The following VPS28 variants were observed in gnomAD, a reference collection of about 807,000 sequenced individuals.
VPS28 encodes VPS28 subunit of ESCRT-I.
VPS28 carries 29 observed loss-of-function variants against 33.7 expected under a neutral mutation model. That is an observed-to-expected ratio of 0.86 (90% CI 0.64 to 1.17). The LOEUF (loss-of-function observed/expected upper bound fraction) is 1.17. Ranked by LOEUF, VPS28 falls within the 50% of genes most tolerant of loss-of-function variation. The probability of loss-of-function intolerance (pLI) is 0.00; values close to 1 mark genes in which losing one functional copy is unlikely to be tolerated. For missense variants in VPS28, 247 were observed against 312.2 expected (o/e 0.79, Z 1.57); for synonymous variants, 164 against 116.7 (o/e 1.40, Z -2.61).
At chr8:144,424,507 C>T (rs1171438928) in intron 7 of VPS28, 1 of 784,546 alleles carries the variant, frequency 1.3e-6, no homozygotes, top group East Asian at 2.7e-5. Flanking sequence ...CGCCAGAACG[C>T]ACCCTGTGCT....
chr8:144,426,104 G>A (rs374533217), intron 3 of VPS28, 41 bp from the exon 4 acceptor site: 1 of 1,563,822 alleles, frequency 6.4e-7, no homozygotes, highest in African/African-American at 1.4e-5. Flanking sequence ...TGCCAACAGG[G>A]GCTGCAGGAC....
intron 1 of VPS28, among the ~76,000 whole-genome samples, chr8:144,427,845 G>A (rs1554877264): frequency 1.3e-5 from 2 of 152,230 alleles, no homozygotes; most frequent in South Asian, 2.1e-4. Flanking sequence ...TAAAATAAAG[G>A]AGTTACGAAC....
rs202082054 is a variant in VPS28, at chr8:144,426,961, G to T, written c.-16C>A. 4.3e-6 allele frequency: 7 copies of T among 1,612,106 alleles called. No homozygotes were observed. The highest frequency in any genetic ancestry group is 1.7e-5 in the Admixed American group (1 of 59,952). On this transcript the variant is annotated 5_prime_UTR_variant, in exon 2 of 10. Transcript: ENST00000292510. ...CATGAAACATCCTCTAGGCTCTGGG[G>T]GGGGCACAGCACTGAGACCTGGGGA... is the stretch of plus-strand genomic sequence containing the variant.
In VPS28 at chr8:144,424,258, G is replaced by A. The variant is rs1275520679; in HGVS notation, c.413C>T (p.Thr138Met). The stretch of plus-strand genomic sequence containing the variant: ...CTCCAGACGCAGCTTGTCCATGACC[G>A]TGATGAAGAGCTGGGGGCAGGTGTG... ...CIADVVSLFITVMDKLRLEIR... is the reference protein window; with the variant it reads ...CIADVVSLFIMVMDKLRLEIR... The change falls in exon 8 of 10, where the codon ACG becomes ATG. Residue 138 changes from threonine (T) to methionine (M), a missense_variant. Transcript: ENST00000292510. The A allele has an allele frequency of 1.9e-6, 3 of 1,604,544 alleles. No individual in the cohort carries two copies. The highest frequency in any genetic ancestry group is 1.8e-4 in the Middle Eastern group (1 of 5,606).
intron 2 of VPS28, 79 bp from the exon 3 acceptor site, chr8:144,426,287 A>G (rs1464291692): frequency 1.4e-6 from 2 of 1,471,114 alleles, no homozygotes; most frequent in Non-Finnish European, 1.8e-6. Context: ...TCTCCATTTC[A>G]GTTCCTCCCT....
chr8:144,427,135 A>C (rs1346853861), intron 1 of VPS28, 156 bp from the exon 2 acceptor site: 1 of 484,760 alleles, frequency 2.1e-6, no homozygotes, highest in African/African-American at 2.0e-5. Flanking sequence ...CCCTGTCTCT[A>C]CTAAAATTAC....
In VPS28 at chr8:144,425,692, G is replaced by A. The variant is rs75776765; in HGVS notation, c.185C>T (p.Ser62Phe). 6.2e-7 allele frequency: 1 copy of A among 1,613,858 alleles called. No homozygotes were observed. Among genetic ancestry groups the A allele is most frequent in the African/African-American group, 1.3e-5 (1 of 75,054 alleles). ...GGACGTGGGCTCTTACTCGCTGGGG[G>A]AGACACAGTCCTTGATGTAGGCCTT... is the stretch of plus-strand genomic sequence containing the variant. ...LEKAYIKDCV[S>F]PSEYTAACSR... The change falls in exon 5 of 10, where the codon TCC becomes TTC. Residue 62 changes from serine (S) to phenylalanine (F), a missense_variant. Physicochemically the swap from Ser to Phe is radical, Grantham distance 155. Around this residue, in one of 3 missense-constraint regions of VPS28, gnomAD observed 149 missense variants for 172.8 expected, o/e 0.86. Coordinates refer to ENST00000292510, the MANE Select transcript of VPS28 (RefSeq NM_016208.4).
At position 144,424,109 on chromosome 8, in the gene VPS28, C is replaced by A; in HGVS notation, c.480G>T (p.Leu160=). 1 of 1,550,304 alleles carries A rather than the reference C, an allele frequency of 6.5e-7. No individual in the cohort carries two copies. Residue 160 remains leucine, a synonymous_variant, in exon 9 of 10, where the codon CTG becomes CTT. Coordinates refer to ENST00000292510, the MANE Select transcript of VPS28 (RefSeq NM_016208.4). ...MDEIQPDLRE[L]METMHRMSHL... is the part of the protein sequence containing the mutation. ...GGCTCATGCGGTGCATGGTCTCCATCAGCTCTCGCAGGTCGGGCTGGATCT... is the reference window on the plus strand; with the variant it reads ...GGCTCATGCGGTGCATGGTCTCCATAAGCTCTCGCAGGTCGGGCTGGATCT...
At position 144,425,686 on chromosome 8, in the gene VPS28, C is replaced by T; in HGVS notation, c.191G>A (p.Ser64Asn). The T allele has an allele frequency of 1.2e-6, 2 of 1,613,784 alleles. No homozygotes were observed. The highest frequency in any genetic ancestry group is 1.7e-6 in the Non-Finnish European group (2 of 1,179,846). Reference sequence around the variant, plus strand: ...CTCCCAGGACGTGGGCTCTTACTCGCTGGGGGAGACACAGTCCTTGATGTA... The same window carrying T: ...CTCCCAGGACGTGGGCTCTTACTCGTTGGGGGAGACACAGTCCTTGATGTA... Reference protein sequence around the residue: ...KAYIKDCVSPSEYTAACSRLL... With the variant: ...KAYIKDCVSPNEYTAACSRLL... The change falls in exon 5 of 10, where the codon AGC (serine) becomes AAC (asparagine). Residue 64 changes from serine to asparagine, a missense_variant. Transcript: ENST00000292510.
At chr8:144,424,389 C>T in intron 7 of VPS28, 121 bp from the exon 8 acceptor site, 1 of 1,336,448 alleles carries the variant, frequency 7.5e-7, no homozygotes, top group Non-Finnish European at 1.0e-6. Flanking sequence ...GTACTCTGTT[C>T]CCAAACCCTG....
At position 144,423,705 on chromosome 8, in the gene VPS28, C is replaced by G. The variant is rs555342032; in HGVS notation, c.*100G>C. 2.6e-5 allele frequency: 38 copies of G among 1,457,060 alleles called. No individual in the cohort carries two copies. The South Asian group carries it at 4.2e-4, about 16-fold the overall frequency. 90.3% of individuals were successfully genotyped at this position (1,457,060 alleles called of 1,614,324 possible). ...CAGACACCAGACAGGCAGCTGCAGA[C>G]AGTGAGTTGTGTGGATGACCACGGC... On this transcript the variant is annotated 3_prime_UTR_variant, in exon 10 of 10. Transcript: ENST00000292510.
At chr8:144,424,400 C>G in intron 7 of VPS28, 132 bp from the exon 8 acceptor site, 1 of 1,233,958 alleles carries the variant, frequency 8.1e-7, no homozygotes, top group Non-Finnish European at 1.1e-6. Context: ...CCAAACCCTG[C>G]AGGCCTCCTG....
chr8:144,427,224 AGGAG>A (rs1822828362), intron 1 of VPS28: 1 of 298,432 alleles, frequency 3.4e-6, no homozygotes, highest in African/African-American at 2.2e-5. Context: ...GCTTGAACCC[AGGAG>A]GTGAAGGTTT....
In VPS28 at chr8:144,425,052, CT is replaced by C; in HGVS notation, c.195-2del. ...GAGCCGGGAGCAGGCTGCAGTGTAC[CT>C]AGGGAGAGGTCAGCTGCTGCCCAAG... is the stretch of plus-strand genomic sequence containing the variant. On this transcript the variant is annotated splice_acceptor_variant, in intron 5 of 9. Transcript: ENST00000292510. LOFTEE classifies it high-confidence loss of function. 1 of 1,551,424 alleles carries C rather than the reference CT, an allele frequency of 6.4e-7. No individual in the cohort carries two copies.
intron 6 of VPS28, 50 bp from the exon 7 acceptor site, chr8:144,424,869 G>C: frequency 6.2e-7 from 1 of 1,612,558 alleles, no homozygotes; most frequent in Non-Finnish European, 8.5e-7. Context: ...CAAGCCCCAG[G>C]TGGCCAGAGC....
At position 144,424,772 on chromosome 8, in the gene VPS28, G is replaced by A. The variant is rs150136912; in HGVS notation, c.348C>T (p.Ile116=). 2.7e-4 allele frequency: 432 copies of A among 1,613,772 alleles called. 2 individuals are homozygous for A. In the African/African-American group the frequency reaches 5.2e-3, roughly 19 times the overall value. ...GGTTGCCCTTGTCGTCCTTGATGGT[G>A]ATGGGCCGGTCCTCCTTGATCCGCT... ...AMERIKEDRP[I]TIKDDKGNLN... Residue 116 remains isoleucine, a synonymous_variant, in exon 7 of 10, where the codon ATC becomes ATT. Coordinates refer to ENST00000292510, the MANE Select transcript of VPS28 (RefSeq NM_016208.4).
In VPS28 at chr8:144,426,080, G is replaced by C; in HGVS notation, c.67-17C>G. ...CTTCACTTCCTGCCGGAGAGAGCGG[G>C]CTCTGTGGGCCAGTGCCAACAGGGG... is the stretch of plus-strand genomic sequence containing the variant. On this transcript the variant is annotated splice_polypyrimidine_tract_variant and intron_variant, in intron 3 of 9. Coordinates refer to ENST00000292510, the MANE Select transcript of VPS28 (RefSeq NM_016208.4). 6.4e-7 allele frequency: 1 copy of C among 1,551,186 alleles called. No homozygotes were observed. The highest frequency in any genetic ancestry group is 8.7e-7 in the Non-Finnish European group (1 of 1,145,160).
chr8:144,423,788 G>A lies in VPS28; in HGVS notation c.*17C>T, dbSNP rs782362007. The A allele has an allele frequency of 2.5e-6, 4 of 1,612,986 alleles. No individual in the cohort carries two copies. The African/African-American group carries it at 4.0e-5, about 16-fold the overall frequency. On this transcript the variant is annotated 3_prime_UTR_variant, in exon 10 of 10. Transcript: ENST00000292510. Reference sequence around the variant, plus strand: ...CCTCAGACTCTGCCCTTCTGTGCAAGGGCTAGTGCCCCGGGCTCAGGCATG... The same window carrying A: ...CCTCAGACTCTGCCCTTCTGTGCAAAGGCTAGTGCCCCGGGCTCAGGCATG...
Position 144,423,674 on chromosome 8 carries a change from C to T in VPS28, c.*131G>A, listed in dbSNP as rs1380483617. The stretch of plus-strand genomic sequence containing the variant: ...GGCCCGGCCCCCAAAGTTCTGACAC[C>T]AAAGACAGACACCAGACAGGCAGCT... On this transcript the variant is annotated 3_prime_UTR_variant, in exon 10 of 10. Transcript: ENST00000292510. The T allele has an allele frequency of 5.6e-6, 7 of 1,247,544 alleles. No homozygotes were observed. The highest frequency in any genetic ancestry group is 1.5e-5 in the African/African-American group (1 of 67,082). 77.3% of individuals were successfully genotyped at this position (1,247,544 alleles called of 1,614,324 possible).
Sources: gnomAD v4.1 joint callset for allele counts (sites outside exome capture counted in the v4.1 genomes callset) on GRCh38, gnomAD v4.1.1 for gene constraint, gnomAD v4.1.1 regional missense constraint, MANE v1.5 for transcripts, NCBI Gene and HGNC (gene_info 2026-07-23, HGNC 2026-07-21) for gene names.